The following CNNM1 variants were observed in gnomAD, a reference collection of about 807,000 sequenced individuals.
CNNM1 encodes cyclin and CBS domain divalent metal cation transport mediator 1.
Under a neutral mutation model 78.8 loss-of-function variants are expected in CNNM1, and 44 were observed. That is an observed-to-expected ratio of 0.56 (90% CI 0.44 to 0.72). The LOEUF (loss-of-function observed/expected upper bound fraction) is 0.72, where lower values mean the gene tolerates loss of function less well. Ranked by LOEUF, CNNM1 falls within the 30% of genes least tolerant of loss-of-function variation. CNNM1 has a pLI of 0.00. For missense variants in CNNM1, 1,101 were observed against 1,292.2 expected (o/e 0.85, Z 2.27); for synonymous variants, 584 against 581.5 (o/e 1.00, Z -0.06).
intron 1 of CNNM1, among the ~76,000 whole-genome samples, chr10:99,356,864 A>G (rs2031236737): frequency 6.6e-6 from 1 of 152,192 alleles, no homozygotes; most frequent in African/African-American, 2.4e-5. Flanking sequence ...ACTTCTTACA[A>G]TGTTCTTGCA....
chr10:99,334,488 A>G (rs768515975), intron 1 of CNNM1, among the ~76,000 whole-genome samples: 2 of 152,076 alleles, frequency 1.3e-5, no homozygotes, highest in Non-Finnish European at 2.9e-5. Flanking sequence ...CCCCATCTCT[A>G]CTAAAAATAC....
At chr10:99,332,077 C>T (rs1431401967) in intron 1 of CNNM1, among the ~76,000 whole-genome samples, 6 of 152,088 alleles carry the variant, frequency 3.9e-5, no homozygotes, top group East Asian at 3.9e-4. Flanking sequence ...ACAGTTTGAC[C>T]GCCCCCCTAG....
chr10:99,337,635 C>T (rs554375933), intron 1 of CNNM1, among the ~76,000 whole-genome samples: 2 of 152,316 alleles, frequency 1.3e-5, no homozygotes, highest in Admixed American at 1.3e-4. Context: ...ATATCTCAAT[C>T]ATTGAACTAA....
chr10:99,337,884 G>A (rs556766560), intron 1 of CNNM1, among the ~76,000 whole-genome samples: 2 of 152,366 alleles, frequency 1.3e-5, no homozygotes, highest in South Asian at 4.1e-4. Flanking sequence ...TTTGGACTAT[G>A]CAGCAGAACA....
intron 6 of CNNM1, among the ~76,000 whole-genome samples, chr10:99,371,236 G>A (rs998311567): frequency 2.0e-5 from 3 of 152,160 alleles, no homozygotes; most frequent in Admixed American, 6.5e-5. Flanking sequence ...CTTTCTATTT[G>A]AGCCTTAGTT....
In CNNM1 at chr10:99,357,495, T is replaced by C. The variant is rs539488158; in HGVS notation, c.1574-17T>C. On this transcript the variant is annotated splice_polypyrimidine_tract_variant and intron_variant, in intron 1 of 10. Transcript: ENST00000356713. ...AAATGTCCCCGATACTTAACTGTGA[T>C]TTCATTTGTTCTCTAGGAAAATCTC... is the stretch of plus-strand genomic sequence containing the variant. The C allele has an allele frequency of 6.2e-7, 1 of 1,604,322 alleles. No homozygotes were observed. Among genetic ancestry groups the C allele is most frequent in the African/African-American group, 1.3e-5 (1 of 74,640 alleles).
rs2032549288 is a variant in CNNM1 at position 99,393,987 on chromosome 10, A to T, written c.*2471A>T. On this transcript the variant is annotated 3_prime_UTR_variant, in exon 11 of 11. Coordinates refer to ENST00000356713, the MANE Select transcript of CNNM1 (RefSeq NM_020348.3). ...GGAACAGGCGAAGTGTCAGCCCTCA[A>T]TGTTGGGTACTTAGACCCAAACCAA... 6.6e-6 allele frequency: 1 copy of T among 152,262 alleles called. No individual in the cohort carries two copies. Among genetic ancestry groups the T allele is most frequent in the South Asian group, 2.1e-4 (1 of 4,832 alleles). 9.4% of individuals were successfully genotyped at this position (152,262 alleles called of 1,614,324 possible).
At position 99,391,802 on chromosome 10, in the gene CNNM1, C is replaced by G. The variant is rs770556791; in HGVS notation, c.*286C>G. 1.7e-4 allele frequency: 54 copies of G among 322,688 alleles called. No individual in the cohort carries two copies. Among genetic ancestry groups the G allele is most frequent in the Non-Finnish European group, 2.6e-4 (46 of 174,516 alleles). The allele number at this position is 322,688 out of a possible 1,614,324, so 20.0% of individuals were successfully genotyped here. On this transcript the variant is annotated 3_prime_UTR_variant, in exon 11 of 11. Coordinates refer to ENST00000356713, the MANE Select transcript of CNNM1 (RefSeq NM_020348.3). ...CTGGGACTGGAAAAGAGATGTCTGA[C>G]TGCAAGCTGACAATGCCACTCTGGG... is the stretch of plus-strand genomic sequence containing the variant.
chr10:99,391,448 AG>A lies in CNNM1; in HGVS notation c.2790del (p.Lys931ArgfsTer16). On this transcript the variant is annotated frameshift_variant, in exon 11 of 11. Coordinates refer to ENST00000356713, the MANE Select transcript of CNNM1 (RefSeq NM_020348.3). LOFTEE classifies it high-confidence loss of function. ...CTTGTTTTTTTCAGGTGGCCAAAAA[AG>A]GAAGAGGTCACCAGAAGGAGAGAGA... The part of the protein sequence containing the change: ...KLLRTLSGQK[R>X]KRSPEGERTS... 2 of 1,613,850 alleles carry A rather than the reference AG, an allele frequency of 1.2e-6. No individual in the cohort carries two copies. Among genetic ancestry groups the A allele is most frequent in the Non-Finnish European group, 8.5e-7 (1 of 1,179,766 alleles).
chr10:99,389,906 G>A (rs2032421769), intron 9 of CNNM1, among the ~76,000 whole-genome samples: 1 of 152,174 alleles, frequency 6.6e-6, no homozygotes, highest in African/African-American at 2.4e-5. Context: ...GAACCCTGTG[G>A]CTTTCCAGGG....
chr10:99,368,635 CG>C, intron 6 of CNNM1: 1 of 1,289,738 alleles, frequency 7.8e-7, no homozygotes. Flanking sequence ...CTCTGTGTCT[CG>C]TACCTTCGCT....
chr10:99,391,372 C>A, intron 10 of CNNM1, 65 bp from the exon 11 acceptor site: 1 of 1,276,822 alleles, frequency 7.8e-7, no homozygotes, highest in Non-Finnish European at 1.1e-6. Context: ...AGAACTCAGA[C>A]TGCCAAGCAA....
At chr10:99,347,183 A>G (rs1216652720) in intron 1 of CNNM1, among the ~76,000 whole-genome samples, 1 of 146,718 alleles carries the variant, frequency 6.8e-6, no homozygotes, top group East Asian at 2.0e-4. Flanking sequence ...AACCTAAAAT[A>G]AAAGTTAAAA....
chr10:99,364,474 A>G lies in CNNM1; in HGVS notation c.2086A>G (p.Thr696Ala), dbSNP rs192888882. 7.2e-5 allele frequency: 116 copies of G among 1,612,536 alleles called. No individual in the cohort carries two copies. In the Admixed American group the frequency reaches 1.2e-3, roughly 16 times the overall value. ...CCTTCGCTTTGAAAATGGAGCCTTT[A>G]CTTACTATGGCGTCCCAGCCATCAT... ...EGLRFENGAF[T>A]YYGVPAIMTT... The change falls in exon 5 of 11, where the codon ACT becomes GCT. Residue 696 changes from threonine (T) to alanine (A), a missense_variant. Thr to Ala is a moderately conservative substitution (Grantham distance 58). This residue lies in a region of CNNM1 where 348 missense variants were observed against 384.5 expected (regional missense o/e 0.90). Coordinates refer to ENST00000356713, the MANE Select transcript of CNNM1 (RefSeq NM_020348.3).
intron 1 of CNNM1, among the ~76,000 whole-genome samples, chr10:99,341,636 G>C (rs554076618): frequency 2.6e-5 from 4 of 152,272 alleles, no homozygotes; most frequent in African/African-American, 9.6e-5. Flanking sequence ...CAATTATGAA[G>C]GGAAGAGTGT....
intron 1 of CNNM1, among the ~76,000 whole-genome samples, chr10:99,352,665 T>C (rs2030990484): frequency 6.6e-6 from 1 of 152,248 alleles, no homozygotes; most frequent in Admixed American, 6.5e-5. Context: ...ATATCTTCTT[T>C]GGAGAAATAT....
At chr10:99,364,916 G>T in intron 5 of CNNM1, 39 bp from the exon 6 acceptor site, 1 of 1,598,268 alleles carries the variant, frequency 6.3e-7, no homozygotes, top group Non-Finnish European at 8.6e-7. Context: ...TGTGTTTTCT[G>T]AGTTGCCTCT....
At chr10:99,361,001 A>C (rs529071514) in intron 3 of CNNM1, 26 bp downstream of exon 3, 1 of 1,574,554 alleles carries the variant, frequency 6.4e-7, no homozygotes, top group Non-Finnish European at 8.7e-7. Context: ...ACTCCAGAGA[A>C]GCTAAAACAG....
intron 7 of CNNM1, among the ~76,000 whole-genome samples, chr10:99,378,472 G>T (rs918372347): frequency 6.6e-6 from 1 of 152,166 alleles, no homozygotes; most frequent in Non-Finnish European, 1.5e-5. Context: ...TTTGGAGAGG[G>T]GTGTGTGCTG....
Sources: gnomAD v4.1 joint callset for allele counts (sites outside exome capture counted in the v4.1 genomes callset) on GRCh38, gnomAD v4.1.1 for gene constraint, gnomAD v4.1.1 regional missense constraint, MANE v1.5 for transcripts, NCBI Gene and HGNC (gene_info 2026-07-23, HGNC 2026-07-21) for gene names.